Variants in CTNNA3 observed in about 807,000 individuals in gnomAD.
CTNNA3 encodes catenin alpha 3, also known as catenin alpha-3.
Under a neutral mutation model 95.7 loss-of-function variants are expected in CTNNA3, and 76 were observed. The ratio of observed to expected loss-of-function variants is 0.79; its 90% CI spans 0.66 to 0.96. The LOEUF (loss-of-function observed/expected upper bound fraction) is 0.96. Ranked by LOEUF, CTNNA3 falls within the 40% of genes least tolerant of loss-of-function variation. The pLI is 0.00. For missense variants in CTNNA3, 1,191 were observed against 1,089.8 expected, an observed-to-expected ratio of 1.09 and a Z score of -1.31; for synonymous variants, 431 against 374.4, an observed-to-expected ratio of 1.15 and a Z score of -1.74.
intron 13 of CTNNA3, among the ~76,000 whole-genome samples, chr10:66,252,291 A>T (rs1428354022): frequency 6.6e-6 from 1 of 152,054 alleles, no homozygotes; most frequent in Non-Finnish European, 1.5e-5. Context: ...CATATTTTCA[A>T]GTTTATTTGC....
intron 7 of CTNNA3, among the ~76,000 whole-genome samples, chr10:67,109,896 T>TA (rs1858828138): frequency 6.6e-6 from 1 of 152,096 alleles, no homozygotes; most frequent in African/African-American, 2.4e-5. Flanking sequence ...TTTCAGAACA[T>TA]GTCCGTATTA....
rs1346418617 is a variant in CTNNA3, at chr10:67,180,467, T to C, written c.897A>G (p.Ser299=). 1.2e-6 allele frequency: 2 copies of C among 1,613,874 alleles called. No homozygotes were observed. The highest frequency in any genetic ancestry group is 3.3e-5 in the Admixed American group (2 of 59,970). ...TAATGGCTTCAAGGCGTTTCTCTAG[T>C]GATGGTCGTATTTCCTCCTCAGTTA... ...LTVTEEEIRP[S]LEKRLEAIIS... is the part of the protein sequence containing the mutation. The change falls in exon 7 of 18, where the codon TCA becomes TCG. Residue 299 remains serine, a synonymous_variant. Coordinates refer to ENST00000433211, the MANE Select transcript of CTNNA3 (RefSeq NM_013266.4).
At chr10:66,653,040 C>A (rs1206524274) in intron 9 of CTNNA3, among the ~76,000 whole-genome samples, 1 of 151,974 alleles carries the variant, frequency 6.6e-6, no homozygotes, top group Non-Finnish European at 1.5e-5. Context: ...ATACTGGATG[C>A]CTCTAAGATT....
At chr10:67,430,207 C>T (rs369169268) in intron 5 of CTNNA3, among the ~76,000 whole-genome samples, 38 of 151,948 alleles carry the variant, frequency 2.5e-4, no homozygotes, top group African/African-American at 8.7e-4. Context: ...GCTTTAGCCA[C>T]GGAAGTAAAC....
At chr10:66,595,331 T>TTTATTATTATTA (rs138690387) in intron 10 of CTNNA3, among the ~76,000 whole-genome samples, 1 of 149,114 alleles carries the variant, frequency 6.7e-6, no homozygotes, top group South Asian at 2.1e-4. Context: ...ATTGATCTTA[T>TTTATTATTATTA]TTATTATTAT....
intron 3 of CTNNA3, among the ~76,000 whole-genome samples, chr10:67,566,630 A>G (rs1841813599): frequency 6.6e-6 from 1 of 152,162 alleles, no homozygotes; most frequent in African/African-American, 2.4e-5. Flanking sequence ...TCAGGGATCT[A>G]GAACTACAAA....
intron 9 of CTNNA3, among the ~76,000 whole-genome samples, chr10:66,681,687 G>A (rs79475832): frequency 0.014 from 2,101 of 152,218 alleles, 57 homozygotes; most frequent in African/African-American, 0.044. Context: ...GCTAGGCAAC[G>A]CAACATTCTA....
chr10:67,182,125 T>C (rs1862582347), intron 6 of CTNNA3, among the ~76,000 whole-genome samples: 1 of 152,092 alleles, frequency 6.6e-6, no homozygotes, highest in Non-Finnish European at 1.5e-5. Flanking sequence ...CCAAGGTAAT[T>C]TATAGATTCA....
intron 5 of CTNNA3, among the ~76,000 whole-genome samples, chr10:67,433,084 C>CT (rs1269720381): frequency 6.6e-6 from 1 of 152,038 alleles, no homozygotes; most frequent in Non-Finnish European, 1.5e-5. Flanking sequence ...TTTGACATAC[C>CT]TTCCTCACTG....
intron 12 of CTNNA3, among the ~76,000 whole-genome samples, chr10:66,353,476 T>G (rs1311311470): frequency 6.6e-6 from 1 of 152,148 alleles, no homozygotes; most frequent in Non-Finnish European, 1.5e-5. Flanking sequence ...ATTGTTGTCT[T>G]GTTTTTGTAT....
chr10:67,263,634 C>G (rs1866704783), intron 5 of CTNNA3, among the ~76,000 whole-genome samples: 3 of 152,140 alleles, frequency 2.0e-5, no homozygotes, highest in Non-Finnish European at 4.4e-5. Flanking sequence ...GGATGTTGTT[C>G]CTAACCCTTC....
At chr10:67,330,378 G>T (rs1002681064) in intron 5 of CTNNA3, among the ~76,000 whole-genome samples, 1 of 152,044 alleles carries the variant, frequency 6.6e-6, no homozygotes. Flanking sequence ...GTCTCCAATG[G>T]GTCCTCATCT....
In CTNNA3 at chr10:66,349,315, T is replaced by C. The variant is rs574628919; in HGVS notation, c.1732+29837A>G. Among the ~76,000 whole-genome samples, 33 of 151,886 alleles carry C rather than the reference T, an allele frequency of 2.2e-4. 1 individual carries two copies. The highest frequency in any genetic ancestry group is 3.5e-4 in the Non-Finnish European group (24 of 67,952). On this transcript the variant is annotated intron_variant, in intron 12 of 17. Transcript: ENST00000433211. ...TGAGCTTGAAAAAGCCTCAAATGAA[T>C]CCACAGCCCTGTCTGACACCTTGAT...
At chr10:66,149,007 A>C (rs1166713692) in intron 13 of CTNNA3, among the ~76,000 whole-genome samples, 1 of 151,288 alleles carries the variant, frequency 6.6e-6, no homozygotes, top group Non-Finnish European at 1.5e-5. Context: ...ATATAATTTA[A>C]CTACATAGTT....
intron 5 of CTNNA3, among the ~76,000 whole-genome samples, chr10:67,381,899 C>A (rs1351882541): frequency 2.0e-5 from 3 of 152,078 alleles, no homozygotes; most frequent in African/African-American, 7.2e-5. Context: ...GTGTGATCAA[C>A]TGAAACAATA....
At chr10:67,304,098 C>G (rs928975528) in intron 5 of CTNNA3, among the ~76,000 whole-genome samples, 5 of 152,172 alleles carry the variant, frequency 3.3e-5, no homozygotes, top group African/African-American at 4.8e-5. Flanking sequence ...TGCCTTGATG[C>G]TTGAGATGTA....
intron 11 of CTNNA3, among the ~76,000 whole-genome samples, chr10:66,411,474 A>G (rs1348750815): frequency 6.6e-6 from 1 of 152,060 alleles, no homozygotes; most frequent in East Asian, 1.9e-4. Context: ...CAATATAGTA[A>G]TTATGAATAT....
At chr10:67,561,931 T>C (rs1589428436) in intron 3 of CTNNA3, among the ~76,000 whole-genome samples, 1 of 152,132 alleles carries the variant, frequency 6.6e-6, no homozygotes, top group Admixed American at 6.5e-5. Flanking sequence ...CTCCCAAGAC[T>C]AAACCACGAA....
intron 1 of CTNNA3, among the ~76,000 whole-genome samples, chr10:67,762,026 C>T (rs1369488686): frequency 6.6e-6 from 1 of 151,954 alleles, no homozygotes; most frequent in African/African-American, 2.4e-5. Context: ...AATTTTACTT[C>T]TGTATTCCTA....
Sources: allele counts gnomAD v4.1 joint callset (sites outside exome capture counted in the v4.1 genomes callset), GRCh38; gene constraint gnomAD v4.1.1; transcripts MANE v1.5; gene names NCBI Gene and HGNC (gene_info 2026-07-23, HGNC 2026-07-21).